The following CLSTN2 variants were observed in gnomAD, a reference collection of about 807,000 sequenced individuals.
CLSTN2 encodes calsyntenin-2.
In CLSTN2, 48 loss-of-function variants were observed where a neutral mutation model predicts 101.2. The observed-to-expected ratio is 0.47, with a 90% CI of 0.38 to 0.60. The LOEUF (loss-of-function observed/expected upper bound fraction) is 0.60, where lower values mean the gene tolerates loss of function less well. Ranked by LOEUF, CLSTN2 falls within the 20% of genes least tolerant of loss-of-function variation. The probability of loss-of-function intolerance (pLI) is 0.00; values close to 1 mark genes in which losing one functional copy is unlikely to be tolerated. For missense variants in CLSTN2, 1,160 were observed against 1,238.2 expected, an observed-to-expected ratio of 0.94 and a Z score of 0.95; for synonymous variants, 481 against 463.6, an observed-to-expected ratio of 1.04 and a Z score of -0.48.
intron 2 of CLSTN2, among the ~76,000 whole-genome samples, chr3:140,208,900 T>G (rs1431814528): frequency 6.6e-6 from 1 of 152,106 alleles, no homozygotes; most frequent in Non-Finnish European, 1.5e-5. Context: ...TAGGAAGAGC[T>G]CAGTAAATGT....
chr3:140,016,628 G>A (rs994841563), intron 1 of CLSTN2, among the ~76,000 whole-genome samples: 3 of 151,604 alleles, frequency 2.0e-5, no homozygotes, highest in Non-Finnish European at 2.9e-5. Context: ...GTGAAACCCC[G>A]TCTCTGCTAA....
chr3:140,320,491 C>T (rs1184387923), intron 2 of CLSTN2, among the ~76,000 whole-genome samples: 2 of 152,006 alleles, frequency 1.3e-5, no homozygotes, highest in African/African-American at 4.8e-5. Flanking sequence ...ATACTTTTTA[C>T]CTGTTGGCAC....
At chr3:140,346,744 C>T (rs943174419) in intron 2 of CLSTN2, among the ~76,000 whole-genome samples, 9 of 152,120 alleles carry the variant, frequency 5.9e-5, no homozygotes, top group African/African-American at 1.9e-4. Flanking sequence ...TCTCATGGTG[C>T]GCCCCTGCAA....
At chr3:140,220,043 G>A (rs145770764) in intron 2 of CLSTN2, among the ~76,000 whole-genome samples, 1 of 152,326 alleles carries the variant, frequency 6.6e-6, no homozygotes, top group African/African-American at 2.4e-5. Context: ...GGCAGAGCCT[G>A]GGTTCAAATC....
At chr3:140,515,828 T>C (rs1219627367) in intron 8 of CLSTN2, among the ~76,000 whole-genome samples, 2 of 152,164 alleles carry the variant, frequency 1.3e-5, no homozygotes, top group Non-Finnish European at 2.9e-5. Flanking sequence ...ATGAGTAGAA[T>C]GTTCTGTAAA....
At chr3:139,976,449 G>C (rs73224965) in intron 1 of CLSTN2, among the ~76,000 whole-genome samples, 7,103 of 152,328 alleles carry the variant, frequency 0.047, 235 homozygotes, top group East Asian at 0.15. Context: ...AAACAAAGTG[G>C]GAAGTAGGTA....
intron 1 of CLSTN2, among the ~76,000 whole-genome samples, chr3:139,951,659 A>G (rs2107810566): frequency 6.6e-6 from 1 of 152,292 alleles, no homozygotes; most frequent in Middle Eastern, 3.4e-3. Flanking sequence ...AGTGAACTGG[A>G]CTAAGTCTTC....
chr3:140,529,483 G>T (rs530214217), intron 8 of CLSTN2, among the ~76,000 whole-genome samples: 1 of 152,336 alleles, frequency 6.6e-6, no homozygotes, highest in African/African-American at 2.4e-5. Context: ...TCACTTTGCT[G>T]AATTTTCTTC....
chr3:140,385,475 TCTC>T (rs1384634943), intron 2 of CLSTN2, among the ~76,000 whole-genome samples: 1 of 149,940 alleles, frequency 6.7e-6, no homozygotes, highest in Non-Finnish European at 1.5e-5. Flanking sequence ...TTCACGCCAT[TCTC>T]CTGCCTCAGC....
At chr3:140,058,731 G>A (rs2008142912) in intron 1 of CLSTN2, among the ~76,000 whole-genome samples, 1 of 152,062 alleles carries the variant, frequency 6.6e-6, no homozygotes, top group Non-Finnish European at 1.5e-5. Context: ...TGACTCTGGG[G>A]GGCCTTGAAG....
intron 1 of CLSTN2, among the ~76,000 whole-genome samples, chr3:140,059,599 GC>G (rs898977974): frequency 1.3e-5 from 2 of 152,104 alleles, no homozygotes; most frequent in Non-Finnish European, 2.9e-5. Flanking sequence ...CCTCTTGGTG[GC>G]CCCCTCTGAG....
rs573651070 is a variant in CLSTN2, at chr3:140,165,685, G to A, written c.110-10266G>A. ...GGGTAGCCTCATCTGATCTCCTAATGGAGGGCAGGACAGCTTCCTAGCCTG... is the reference window on the plus strand; with the variant it reads ...GGGTAGCCTCATCTGATCTCCTAATAGAGGGCAGGACAGCTTCCTAGCCTG... On this transcript the variant is annotated intron_variant, in intron 1 of 16. Transcript: ENST00000458420. Among the ~76,000 whole-genome samples, 22 of 152,264 alleles carry A rather than the reference G, an allele frequency of 1.4e-4. 1 individual carries two copies. In the South Asian group the frequency reaches 3.3e-3, roughly 23 times the overall value.
In CLSTN2 at chr3:140,076,919, C is replaced by T. The variant is rs558411551; in HGVS notation, c.110-99032C>T. 1.3e-4 allele frequency among the ~76,000 whole-genome samples: 20 copies of T among 152,216 alleles called. No homozygotes were observed. The South Asian group carries it at 1.9e-3, about 14-fold the overall frequency. On this transcript the variant is annotated intron_variant, in intron 1 of 16. Coordinates refer to ENST00000458420, the MANE Select transcript of CLSTN2 (RefSeq NM_022131.3). ...TCACAGCTTTAAACACTGCCTTGCA[C>T]GGTGGGATGCTCAGCACACACAATA...
intron 4 of CLSTN2, among the ~76,000 whole-genome samples, chr3:140,408,428 CT>C (rs1257599562): frequency 2.6e-4 from 40 of 152,134 alleles, no homozygotes; most frequent in African/African-American, 9.7e-4. Context: ...CTAGTGACTG[CT>C]CTGCATGGGA....
rs1935945526 is a variant in CLSTN2 at position 140,562,804 on chromosome 3, G to A, written c.2213-7G>A. The A allele has an allele frequency of 6.2e-7, 1 of 1,613,496 alleles. No individual in the cohort carries two copies. Among genetic ancestry groups the A allele is most frequent in the African/African-American group, 1.3e-5 (1 of 74,976 alleles). ...CTTCTGATGACAGGTGTGGTCTCTT[G>A]GCACAGGTGTGGGCTCCATGAGCCG... On this transcript the variant is annotated splice_region_variant and splice_polypyrimidine_tract_variant and intron_variant, in intron 13 of 16. Coordinates refer to ENST00000458420, the MANE Select transcript of CLSTN2 (RefSeq NM_022131.3).
rs184556599 is a variant in CLSTN2 at position 139,991,618 on chromosome 3, T to C, written c.109+56135T>C. ...CCGAGTTGCTGAATTTAATTAAATA[T>C]TTATTTAATGTGCAGTATGCACCAT... On this transcript the variant is annotated intron_variant, in intron 1 of 16. Transcript: ENST00000458420. Among the ~76,000 whole-genome samples, 19 of 152,394 alleles carry C rather than the reference T, an allele frequency of 1.2e-4. No individual in the cohort carries two copies. The South Asian group carries it at 1.7e-3, about 13-fold the overall frequency.
At chr3:140,412,332 T>C (rs538733995) in intron 4 of CLSTN2, among the ~76,000 whole-genome samples, 2 of 152,242 alleles carry the variant, frequency 1.3e-5, no homozygotes, top group Admixed American at 1.3e-4. Flanking sequence ...GAGTTTTAAT[T>C]GTTGGCTTTA....
intron 8 of CLSTN2, among the ~76,000 whole-genome samples, chr3:140,501,719 T>C (rs1934580699): frequency 6.6e-6 from 1 of 152,240 alleles, no homozygotes; most frequent in Admixed American, 6.5e-5. Context: ...ATCTAAATTC[T>C]CATCCAATAA....
intron 2 of CLSTN2, among the ~76,000 whole-genome samples, chr3:140,392,985 T>A (rs1707624465): frequency 6.6e-6 from 1 of 152,064 alleles, no homozygotes; most frequent in Admixed American, 6.5e-5. Flanking sequence ...CTGAGTGTTG[T>A]CATTCAAGTC....
Sources: gnomAD v4.1 joint callset for allele counts (sites outside exome capture counted in the v4.1 genomes callset) on GRCh38, gnomAD v4.1.1 for gene constraint, MANE v1.5 for transcripts, NCBI Gene and HGNC (gene_info 2026-07-23, HGNC 2026-07-21) for gene names.